Variants in PCDHGA3 observed in about 807,000 individuals in gnomAD.
PCDHGA3 encodes protocadherin gamma-A3.
A neutral mutation model predicts 58.5 loss-of-function variants in PCDHGA3; 40 were observed. The observed-to-expected ratio is 0.68, with a 90% CI of 0.53 to 0.89. PCDHGA3 has a LOEUF of 0.89. Among genes scored for constraint, PCDHGA3 ranks in the 40% least tolerant of loss-of-function variants. The pLI, the probability that PCDHGA3 is intolerant of heterozygous loss-of-function variation, is 0.00. For synonymous variants in PCDHGA3, 530 were observed against 525.7 expected (o/e 1.01, Z -0.11); for missense variants, 1,223 against 1,195.9 (o/e 1.02, Z -0.33).
At chr5:141,399,942 G>A (rs780939486) in intron 1 of PCDHGA3, 12 of 1,612,140 alleles carry the variant, frequency 7.4e-6, no homozygotes, top group Middle Eastern at 1.9e-4. Context: ...ACCACGTGCT[G>A]CAGGCTAGCG....
chr5:141,375,346 T>C, intron 1 of PCDHGA3: 1 of 1,613,870 alleles, frequency 6.2e-7, no homozygotes. Flanking sequence ...ACAACATCAC[T>C]GTGACAGCCA....
intron 1 of PCDHGA3, among the ~76,000 whole-genome samples, chr5:141,381,798 CTCTTTCTT>C (rs372235829): frequency 6.9e-5 from 10 of 144,174 alleles, no homozygotes; most frequent in South Asian, 6.6e-4. Flanking sequence ...AGGCAATTCC[CTCTTTCTT>C]TCTTTCTTTC....
At chr5:141,389,227 C>A (rs1412412051) in intron 1 of PCDHGA3, 1 of 1,613,906 alleles carries the variant, frequency 6.2e-7, no homozygotes, top group Non-Finnish European at 8.5e-7. Context: ...GACAACGCTC[C>A]GGTTTTCTCA....
rs980172909 is a variant in PCDHGA3, at chr5:141,485,917, G to A, written c.2425-8890G>A. On this transcript the variant is annotated intron_variant, in intron 1 of 3. Transcript: ENST00000253812. The surrounding 1 kb of genome is among the most constrained non-coding windows in gnomAD (Gnocchi z 5.7). ...CAGCCTTCCAGCAATCCAGCTACAGGATTAGTGTGTTGGAGAGCGCACCAG... is the reference window on the plus strand; with the variant it reads ...CAGCCTTCCAGCAATCCAGCTACAGAATTAGTGTGTTGGAGAGCGCACCAG... The A allele has an allele frequency of 2.6e-5, 42 of 1,614,078 alleles. No homozygotes were observed. Among genetic ancestry groups the A allele is most frequent in the Non-Finnish European group, 3.5e-5 (41 of 1,180,050 alleles).
chr5:141,435,254 G>C (rs1220755047), intron 1 of PCDHGA3, among the ~76,000 whole-genome samples: 1 of 152,018 alleles, frequency 6.6e-6, no homozygotes, highest in African/African-American at 2.4e-5. Flanking sequence ...GGCCATTAGG[G>C]ATATGTCCAT....
intron 1 of PCDHGA3, among the ~76,000 whole-genome samples, chr5:141,483,945 ATTGTG>A (rs2099589210): frequency 8.3e-6 from 1 of 120,394 alleles, no homozygotes; most frequent in Non-Finnish European, 1.6e-5. Context: ...TACGGTGTGA[ATTGTG>A]TTGTGTTTCT....
intron 1 of PCDHGA3, among the ~76,000 whole-genome samples, chr5:141,352,902 C>T (rs1561504413): frequency 6.6e-6 from 1 of 152,122 alleles, no homozygotes; most frequent in Non-Finnish European, 1.5e-5. Flanking sequence ...ACAGGAGGAT[C>T]GCTTGAGCCC....
intron 1 of PCDHGA3, among the ~76,000 whole-genome samples, chr5:141,387,466 C>G (rs1589036513): frequency 6.6e-6 from 1 of 152,194 alleles, no homozygotes; most frequent in Non-Finnish European, 1.5e-5. Context: ...TAAAAATCCT[C>G]AAAGTTGGGA....
intron 1 of PCDHGA3, chr5:141,350,482 T>C (rs1758488290): frequency 6.2e-7 from 1 of 1,613,922 alleles, no homozygotes. Context: ...ATTTCAACGT[T>C]AGTTTGGAGA....
rs578188210 is a variant in PCDHGA3 at position 141,360,311 on chromosome 5, G to A, written c.2424+13854G>A. 3.1e-6 allele frequency: 5 copies of A among 1,613,936 alleles called. No homozygotes were observed. The East Asian group carries it at 1.1e-4, about 36-fold the overall frequency. ...GCCAAGGATCTGGGGCTCAGCGTCC[G>A]GGACTTGCCAGCCCGGAAGCTGCGG... is the stretch of plus-strand genomic sequence containing the variant. On this transcript the variant is annotated intron_variant, in intron 1 of 3. Transcript: ENST00000253812.
Position 141,372,197 on chromosome 5 carries a change from C to T in PCDHGA3, c.2424+25740C>T, listed in dbSNP as rs57763341. 308 of 1,613,590 alleles carry T rather than the reference C, an allele frequency of 1.9e-4. No individual in the cohort carries two copies. The East Asian group carries it at 3.9e-3, about 20-fold the overall frequency. On this transcript the variant is annotated intron_variant, in intron 1 of 3. Transcript: ENST00000253812. ...CGGTGGACGCAGACTCGGGATACAA[C>T]GCCTGGCTGTCCTACCACATTGTGC... is the stretch of plus-strand genomic sequence containing the variant.
rs763160633 is a variant in PCDHGA3 at position 141,418,261 on chromosome 5, G to A, written c.2424+71804G>A. 3 of 1,614,056 alleles carry A rather than the reference G, an allele frequency of 1.9e-6. No homozygotes were observed. In the South Asian group the frequency reaches 3.3e-5, roughly 18 times the overall value. Reference sequence around the variant, plus strand: ...TTAATGACCACGCCCCTCAATTCCGGAAAGATGAAATAAACTTAGAAATCA... The same window carrying A: ...TTAATGACCACGCCCCTCAATTCCGAAAAGATGAAATAAACTTAGAAATCA... On this transcript the variant is annotated intron_variant, in intron 1 of 3. Coordinates refer to ENST00000253812, the MANE Select transcript of PCDHGA3 (RefSeq NM_018916.4).
Position 141,400,031 on chromosome 5 carries a change from G to A in PCDHGA3, c.2424+53574G>A, listed in dbSNP as rs373709904. The A allele has an allele frequency of 2.2e-5, 36 of 1,612,964 alleles. No individual in the cohort carries two copies. In the African/African-American group the frequency reaches 4.5e-4, roughly 20 times the overall value. The stretch of plus-strand genomic sequence containing the variant: ...GCCTTGGGCGACAGGGACGCGGCCC[G>A]CCAGCGCCTGCTGGTTGCTGTGCGT... On this transcript the variant is annotated intron_variant, in intron 1 of 3. Coordinates refer to ENST00000253812, the MANE Select transcript of PCDHGA3 (RefSeq NM_018916.4).
intron 1 of PCDHGA3, among the ~76,000 whole-genome samples, chr5:141,469,375 G>C (rs942714664): frequency 2.0e-5 from 3 of 152,076 alleles, no homozygotes; most frequent in African/African-American, 7.2e-5. Flanking sequence ...AAGAGATCGA[G>C]ACCATCCTGG....
chr5:141,417,038 T>TTA (rs1491140470), intron 1 of PCDHGA3: 1 of 145,854 alleles, frequency 6.9e-6, no homozygotes, highest in Non-Finnish European at 1.5e-5. Context: ...GTTTTTTTTT[T>TTA]AAAAAAAACT....
intron 1 of PCDHGA3, among the ~76,000 whole-genome samples, chr5:141,436,742 G>A (rs568532036): frequency 3.9e-4 from 59 of 152,304 alleles, no homozygotes; most frequent in Non-Finnish European, 7.1e-4. Flanking sequence ...ATTTTTGTGT[G>A]CTTCTCCATA....
In PCDHGA3 at chr5:141,511,296, A is replaced by C; in HGVS notation, c.*123A>C. 1 of 1,505,968 alleles carries C rather than the reference A, an allele frequency of 6.6e-7. No individual in the cohort carries two copies. The allele number at this position is 1,505,968 out of a possible 1,614,324, so 93.3% of individuals were successfully genotyped here. On this transcript the variant is annotated 3_prime_UTR_variant, in exon 4 of 4. Coordinates refer to ENST00000253812, the MANE Select transcript of PCDHGA3 (RefSeq NM_018916.4). ...CAGAATACTGGTAGGGGCCAAGGCCATGCTCCCCTTGGGAAACAGAAACAA... is the reference window on the plus strand; with the variant it reads ...CAGAATACTGGTAGGGGCCAAGGCCCTGCTCCCCTTGGGAAACAGAAACAA...
At position 141,360,059 on chromosome 5, in the gene PCDHGA3, A is replaced by G. The variant is rs568145843; in HGVS notation, c.2424+13602A>G. ...GGAAACAGAAAACAAAAGCAGGAAA[A>G]GTGACCTTAGCCCGGATTCTGCCAT... On this transcript the variant is annotated intron_variant, in intron 1 of 3. Coordinates refer to ENST00000253812, the MANE Select transcript of PCDHGA3 (RefSeq NM_018916.4). The G allele has an allele frequency of 1.4e-5, 20 of 1,450,538 alleles. No individual in the cohort carries two copies. In the Admixed American group the frequency reaches 3.3e-4, roughly 24 times the overall value. The allele number at this position is 1,450,538 out of a possible 1,614,324, so 89.9% of individuals were successfully genotyped here.
At chr5:141,467,064 T>C (rs1289790911) in intron 1 of PCDHGA3, among the ~76,000 whole-genome samples, 2 of 151,724 alleles carry the variant, frequency 1.3e-5, no homozygotes, top group Middle Eastern at 3.2e-3. Context: ...TCTTTTTTTT[T>C]TTTTTTTAGA....
Sources: gnomAD v4.1 joint callset for allele counts (sites outside exome capture counted in the v4.1 genomes callset) on GRCh38, gnomAD v4.1.1 for gene constraint, Gnocchi (gnomAD v3.1) non-coding constraint, MANE v1.5 for transcripts, NCBI Gene and HGNC (gene_info 2026-07-23, HGNC 2026-07-21) for gene names.